Variants in EFCAB6 observed in about 807,000 individuals in gnomAD.
EFCAB6 encodes the protein EF-hand calcium-binding domain-containing protein 6.
In EFCAB6, 156 loss-of-function variants were observed where a neutral mutation model predicts 169.8. The observed-to-expected ratio is 0.92, with a 90% CI of 0.81 to 1.05. EFCAB6 has a LOEUF of 1.05. EFCAB6 is among the 50% of genes least tolerant of loss of function. EFCAB6 has a pLI of 0.00. For synonymous variants in EFCAB6, 698 were observed against 676.4 expected (o/e 1.03, Z -0.50); for missense variants, 1,800 against 1,829.1 (o/e 0.98, Z 0.29).
At chr22:43,652,336 T>C (rs1315376729) in intron 17 of EFCAB6, among the ~76,000 whole-genome samples, 1 of 152,240 alleles carries the variant, frequency 6.6e-6, no homozygotes, top group African/African-American at 2.4e-5. Context: ...CTACATAAGA[T>C]GTGACTTGTT....
chr22:43,590,806 A>G (rs542044551), intron 23 of EFCAB6, among the ~76,000 whole-genome samples: 1 of 151,808 alleles, frequency 6.6e-6, no homozygotes, highest in South Asian at 2.1e-4. Flanking sequence ...CTTTGGCTAT[A>G]GGCTCTTTTT....
In EFCAB6 at chr22:43,626,680, C is replaced by G; in HGVS notation, c.2233-1G>C. 6.2e-7 allele frequency: 1 copy of G among 1,614,030 alleles called. No homozygotes were observed. Among genetic ancestry groups the G allele is most frequent in the Non-Finnish European group, 8.5e-7 (1 of 1,179,992 alleles). On this transcript the variant is annotated splice_acceptor_variant, in intron 19 of 31. Coordinates refer to ENST00000262726, the MANE Select transcript of EFCAB6 (RefSeq NM_022785.4). LOFTEE classifies it high-confidence loss of function. ...TTTTAAAGAAGGCAGAGTAGGGGTC[C>G]TAAAAACAAAACACACACGTCAAAG...
chr22:43,652,900 T>A (rs2056546824), intron 17 of EFCAB6, among the ~76,000 whole-genome samples: 1 of 151,704 alleles, frequency 6.6e-6, no homozygotes, highest in African/African-American at 2.4e-5. Flanking sequence ...ATACAAAATA[T>A]GTTAAAAATA....
chr22:43,577,475 A>G (rs977490669), intron 25 of EFCAB6, among the ~76,000 whole-genome samples: 1 of 152,216 alleles, frequency 6.6e-6, no homozygotes, highest in Non-Finnish European at 1.5e-5. Flanking sequence ...AGCTGTGTAC[A>G]GTGGGAAATC....
Position 43,534,717 on chromosome 22 carries a change from T to C in EFCAB6, c.4204A>G (p.Arg1402Gly). The change falls in exon 30 of 32, where the codon AGG (arginine) becomes GGG (glycine). Residue 1402 changes from arginine to glycine, a missense_variant. By Grantham distance (125) the Arg-to-Gly change is moderately radical (BLOSUM62 -2). Transcript: ENST00000262726. Reference protein sequence around the residue: ...LKAKESSLMHRMKIQNAHKMK... With the variant: ...LKAKESSLMHGMKIQNAHKMK... ...TTGTGTGCATTCTGGATCTTCATCC[T>C]GTGCATCAGTGAGCTTTCCTTTGCT... 6.2e-7 allele frequency: 1 copy of C among 1,612,014 alleles called. No homozygotes were observed. Among genetic ancestry groups the C allele is most frequent in the Non-Finnish European group, 8.5e-7 (1 of 1,179,330 alleles).
chr22:43,683,864 G>C lies in EFCAB6; in HGVS notation c.1143-9C>G. 6.3e-7 allele frequency: 1 copy of C among 1,584,632 alleles called. No homozygotes were observed. The highest frequency in any genetic ancestry group is 8.7e-7 in the Non-Finnish European group (1 of 1,153,434). ...CATTTCTAGAGTTGATGCTACAAGA[G>C]GATTAGGAGAAAAGCAGGAATAAGA... is the stretch of plus-strand genomic sequence containing the variant. On this transcript the variant is annotated splice_polypyrimidine_tract_variant and intron_variant, in intron 11 of 31. Coordinates refer to ENST00000262726, the MANE Select transcript of EFCAB6 (RefSeq NM_022785.4).
intron 17 of EFCAB6, among the ~76,000 whole-genome samples, chr22:43,641,621 A>AAC (rs1025606292): frequency 6.6e-6 from 1 of 151,718 alleles, no homozygotes. Flanking sequence ...CATCTCAAAA[A>AAC]AAAAAAAAAA....
chr22:43,755,635 T>C, intron 6 of EFCAB6, 131 bp downstream of exon 6: 1 of 801,074 alleles, frequency 1.2e-6, no homozygotes, highest in East Asian at 2.8e-5. Flanking sequence ...AAGATCTATT[T>C]AGTCAGACAA....
intron 17 of EFCAB6, among the ~76,000 whole-genome samples, chr22:43,636,753 G>A (rs2055431814): frequency 6.6e-6 from 1 of 151,702 alleles, no homozygotes; most frequent in South Asian, 2.1e-4. Context: ...TGGGACTACA[G>A]GCACCTGCCA....
At chr22:43,712,499 C>A (rs2059195895) in intron 9 of EFCAB6, among the ~76,000 whole-genome samples, 2 of 152,142 alleles carry the variant, frequency 1.3e-5, no homozygotes, top group Admixed American at 1.3e-4. Flanking sequence ...CCTTAGTGTG[C>A]ATAGAAATAT....
At chr22:43,549,804 A>G (rs1029123806) in intron 27 of EFCAB6, among the ~76,000 whole-genome samples, 1 of 152,248 alleles carries the variant, frequency 6.6e-6, no homozygotes. Context: ...AATCACTTTT[A>G]ATACCTCATG....
rs539154558 is a variant in EFCAB6, at chr22:43,560,932, G to A, written c.3421-5836C>T. 3.1e-3 allele frequency among the ~76,000 whole-genome samples: 468 copies of A among 152,322 alleles called. 1 individual carries two copies. The highest frequency in any genetic ancestry group is 0.011 in the African/African-American group (445 of 41,578). ...GTGTTGCCACGGAGAAGCAGAAGCAGCCCAACTGCGTGGCGGCGTGGGGAA... is the reference window on the plus strand; with the variant it reads ...GTGTTGCCACGGAGAAGCAGAAGCAACCCAACTGCGTGGCGGCGTGGGGAA... On this transcript the variant is annotated intron_variant, in intron 26 of 31. Coordinates refer to ENST00000262726, the MANE Select transcript of EFCAB6 (RefSeq NM_022785.4).
At chr22:43,773,216 C>T (rs1316025508) in intron 3 of EFCAB6, 113 bp from the exon 4 acceptor site, 6 of 1,026,996 alleles carry the variant, frequency 5.8e-6, no homozygotes, top group Non-Finnish European at 8.5e-6. Context: ...ATTTCTCCCA[C>T]CATATCTAGG....
rs28600077 is a variant in EFCAB6, at chr22:43,615,694, G to T, written c.2562+132C>A. 128 of 611,134 alleles carry T rather than the reference G, an allele frequency of 2.1e-4. 1 individual carries two copies. In the East Asian group the frequency reaches 3.2e-3, roughly 16 times the overall value. 37.9% of individuals were successfully genotyped at this position (611,134 alleles called of 1,614,324 possible). On this transcript the variant is annotated intron_variant, in intron 21 of 31. Coordinates refer to ENST00000262726, the MANE Select transcript of EFCAB6 (RefSeq NM_022785.4). ...TGAAAAAGTCTTTTAAGAATAGCAG[G>T]AGTCCTCACACTGGGTACACAGAGT...
intron 8 of EFCAB6, among the ~76,000 whole-genome samples, chr22:43,726,229 T>C (rs1603285605): frequency 6.8e-6 from 1 of 147,546 alleles, no homozygotes; most frequent in Non-Finnish European, 1.5e-5. Flanking sequence ...ACTTACCTTC[T>C]TATAATACCT....
At chr22:43,604,215 G>A (rs2052746926) in intron 22 of EFCAB6, among the ~76,000 whole-genome samples, 1 of 152,090 alleles carries the variant, frequency 6.6e-6, no homozygotes, top group South Asian at 2.1e-4. Flanking sequence ...TTTCTTTATA[G>A]CAGCACGAGA....
chr22:43,589,149 G>C (rs1602451363), intron 24 of EFCAB6, among the ~76,000 whole-genome samples: 1 of 151,892 alleles, frequency 6.6e-6, no homozygotes, highest in Admixed American at 6.6e-5. Context: ...GGGTGTGGTG[G>C]CTCATGCCTG....
rs1046382795 is a variant in EFCAB6, at chr22:43,795,030, A to G, written c.-7-12705T>C. 6.6e-6 allele frequency among the ~76,000 whole-genome samples: 1 copy of G among 152,192 alleles called. No individual in the cohort carries two copies. Among genetic ancestry groups the G allele is most frequent in the East Asian group, 1.9e-4 (1 of 5,202 alleles). ...GTCTCCCTCCACCAAGGAGCTCCCCAGGCCCTGTACAGCCCCTTGCCCTGC... is the reference window on the plus strand; with the variant it reads ...GTCTCCCTCCACCAAGGAGCTCCCCGGGCCCTGTACAGCCCCTTGCCCTGC... On this transcript the variant is annotated intron_variant, in intron 2 of 31. Coordinates refer to ENST00000262726, the MANE Select transcript of EFCAB6 (RefSeq NM_022785.4). This position sits in a 1 kb window ranked among gnomAD's most constrained non-coding sequence, Gnocchi z 4.2.
chr22:43,621,997 C>A (rs2054145212), intron 20 of EFCAB6, among the ~76,000 whole-genome samples: 2 of 152,166 alleles, frequency 1.3e-5, no homozygotes, highest in Admixed American at 1.3e-4. Context: ...AATAGAAACT[C>A]TGAATAATCC....
Sources: allele counts gnomAD v4.1 joint callset (sites outside exome capture counted in the v4.1 genomes callset), GRCh38; gene constraint gnomAD v4.1.1; non-coding constraint Gnocchi (gnomAD v3.1); transcripts MANE v1.5; gene names NCBI Gene and HGNC (gene_info 2026-07-23, HGNC 2026-07-21).